The following PLD4 variants were observed in gnomAD, a reference collection of about 807,000 sequenced individuals.
PLD4 encodes 5'-3' exonuclease PLD4.
PLD4 carries 54 observed loss-of-function variants against 52.3 expected under a neutral mutation model. That is an observed-to-expected ratio of 1.03 (90% CI 0.83 to 1.30). PLD4 has a LOEUF of 1.30. Among genes scored for constraint, PLD4 ranks in the 50% most tolerant of loss-of-function variants. The pLI is 0.00. For missense variants in PLD4, 731 were observed against 671.1 expected, an observed-to-expected ratio of 1.09 and a Z score of -0.99; for synonymous variants, 264 against 286.5, an observed-to-expected ratio of 0.92 and a Z score of 0.79.
rs563935854 is a variant in PLD4 at position 104,928,906 on chromosome 14, G to C, written c.442G>C (p.Gly148Arg). The change falls in exon 4 of 11, where the codon GGG becomes CGG. Residue 148 changes from glycine (G) to arginine (R), a missense_variant. By Grantham distance (125) the Gly-to-Arg change is moderately radical. Transcript: ENST00000392593. ...YYWSLTGPDI[G>R]VNDSSSQLGE... The stretch of plus-strand genomic sequence containing the variant: ...CTGGTCCCTCACAGGGCCTGACATC[G>C]GGGTCAACGACTCGTCTTCCCAGCT... 3.1e-6 allele frequency: 5 copies of C among 1,605,370 alleles called. No individual in the cohort carries two copies. The highest frequency in any genetic ancestry group is 1.1e-5 in the South Asian group (1 of 90,864).
At chr14:104,931,604 C>T (rs543642351) in intron 7 of PLD4, 144 bp from the exon 8 acceptor site, 32 of 1,176,182 alleles carry the variant, frequency 2.7e-5, no homozygotes, top group African/African-American at 4.7e-5. Flanking sequence ...CCTGTTGAGC[C>T]GACCCCTTCT....
downstream of PLD4, chr14:104,933,376 TGGGGC>T (rs1010312270): frequency 2.0e-3 from 316 of 160,212 alleles, 2 homozygotes; most frequent in East Asian, 3.6e-4. Context: ...CGCGAGAACC[TGGGGC>T]GGGGCGGGGC....
intron 5 of PLD4, among the ~76,000 whole-genome samples, 194 bp downstream of exon 5, chr14:104,929,621 C>A (rs117592050): frequency 0.027 from 4,072 of 152,276 alleles, 59 homozygotes; most frequent in Middle Eastern, 0.082. Flanking sequence ...GCTGGTTCCA[C>A]GGATCCAAAA....
downstream of PLD4, chr14:104,933,245 T>A (rs1361932294): frequency 8.1e-6 from 3 of 368,506 alleles, no homozygotes; most frequent in Admixed American, 4.6e-5. Context: ...TCCCGGTGCC[T>A]CTGTGTGAGT....
intron 3 of PLD4, 68 bp downstream of exon 3, chr14:104,927,934 T>G (rs1897513814): frequency 1.4e-6 from 2 of 1,437,900 alleles, no homozygotes; most frequent in Middle Eastern, 2.1e-4. Flanking sequence ...GTTTCTGCCC[T>G]TGGATCTGCC....
rs753267679 is a variant in PLD4, at chr14:104,932,082, G to A, written c.1129G>A (p.Val377Ile). The change falls in exon 9 of 11, where the codon GTC becomes ATC. Residue 377 changes from valine (V) to isoleucine (I), a missense_variant. Physicochemically the swap from Val to Ile is conservative, Grantham distance 29 (BLOSUM62 3). Coordinates refer to ENST00000392593, the MANE Select transcript of PLD4 (RefSeq NM_138790.5). The surrounding 1 kb of genome is among the most constrained non-coding windows in gnomAD (Gnocchi z 6.5). ...FGKGVRVRLLVGCGLNTDPTM... is the reference protein window; with the variant it reads ...FGKGVRVRLLIGCGLNTDPTM... ...CAAGGGCGTGCGCGTGCGCCTGCTG[G>A]TCGGCTGCGGACTCAACACGGACCC... 1.7e-5 allele frequency: 28 copies of A among 1,609,844 alleles called. No homozygotes were observed. The highest frequency in any genetic ancestry group is 3.3e-5 in the Admixed American group (2 of 59,828).
chr14:104,927,306 G>T, intron 2 of PLD4, 76 bp downstream of exon 2: 1 of 1,285,702 alleles, frequency 7.8e-7, no homozygotes, highest in Non-Finnish European at 1.1e-6. Context: ...GAGTGGAGAG[G>T]TCACAAGCAG....
At chr14:104,927,937 G>C (rs1897513930) in intron 3 of PLD4, 71 bp downstream of exon 3, 7 of 1,430,770 alleles carry the variant, frequency 4.9e-6, no homozygotes, top group Non-Finnish European at 6.5e-6. Context: ...TCTGCCCTTG[G>C]ATCTGCCCGT....
rs1278053377 is a variant in PLD4 at position 104,932,964 on chromosome 14, A to AGG, written c.*5_*6dup. The AGG allele has an allele frequency of 1.3e-6, 2 of 1,577,418 alleles. No individual in the cohort carries two copies. The highest frequency in any genetic ancestry group is 2.7e-5 in the African/African-American group (2 of 74,108). ...GCCAGGACTGCGTTTGGCAGGGCTG[A>AGG]GGGGGGCCTCTTTTTCTCTCGGCGA... On this transcript the variant is annotated 3_prime_UTR_variant, in exon 11 of 11. Transcript: ENST00000392593. This position sits in a 1 kb window ranked among gnomAD's most constrained non-coding sequence, Gnocchi z 6.5.
In PLD4 at chr14:104,933,073, G is replaced by T. The variant is rs922284440; in HGVS notation, c.*109G>T. 6.9e-5 allele frequency: 87 copies of T among 1,268,592 alleles called. No homozygotes were observed. Among genetic ancestry groups the T allele is most frequent in the Non-Finnish European group, 8.6e-5 (83 of 964,798 alleles). 78.6% of individuals were successfully genotyped at this position (1,268,592 alleles called of 1,614,324 possible). ...CGCAAGCAGCCCGGGTCCGCACTGC[G>T]CCAGGAGCCGCCTGCGACCGCCCGG... On this transcript the variant is annotated 3_prime_UTR_variant, in exon 11 of 11. Coordinates refer to ENST00000392593, the MANE Select transcript of PLD4 (RefSeq NM_138790.5).
chr14:104,933,006 C>T lies in PLD4; in HGVS notation c.*42C>T. 1 of 1,509,548 alleles carries T rather than the reference C, an allele frequency of 6.6e-7. No homozygotes were observed. Among genetic ancestry groups the T allele is most frequent in the Non-Finnish European group, 8.9e-7 (1 of 1,129,716 alleles). 93.5% of individuals were successfully genotyped at this position (1,509,548 alleles called of 1,614,324 possible). Reference sequence around the variant, plus strand: ...TCTCGGCGACCCCGCCCCGCACGCGCCCTCCCCTCTGACCCCGGCCTGGGC... The same window carrying T: ...TCTCGGCGACCCCGCCCCGCACGCGTCCTCCCCTCTGACCCCGGCCTGGGC... On this transcript the variant is annotated 3_prime_UTR_variant, in exon 11 of 11. Coordinates refer to ENST00000392593, the MANE Select transcript of PLD4 (RefSeq NM_138790.5).
rs748764457 is a variant in PLD4 at position 104,927,248 on chromosome 14, CA to C, written c.90+19del. On this transcript the variant is annotated intron_variant, in intron 2 of 10. Transcript: ENST00000392593. ...CTGGCACGGTAGGACTGGGGGGCCCCAGGGGGGAGGTGGCTGGGATCAATGG... is the reference window on the plus strand; with the variant it reads ...CTGGCACGGTAGGACTGGGGGGCCCCGGGGGGAGGTGGCTGGGATCAATGG... 44 of 1,526,174 alleles carry C rather than the reference CA, an allele frequency of 2.9e-5. No homozygotes were observed. The highest frequency in any genetic ancestry group is 1.7e-5 in the Non-Finnish European group (19 of 1,134,524). 94.5% of individuals were successfully genotyped at this position (1,526,174 alleles called of 1,614,324 possible). A position where few individuals can be genotyped will look rare whatever the true frequency, so the allele number is the denominator to read the frequency against.
At chr14:104,931,034 C>T in intron 7 of PLD4, 92 bp downstream of exon 7, 3 of 1,418,754 alleles carry the variant, frequency 2.1e-6, no homozygotes, top group Non-Finnish European at 2.9e-6. Context: ...GCCCTGCAGA[C>T]ACCAGCAGCA....
At position 104,932,790 on chromosome 14, in the gene PLD4, C is replaced by T. The variant is rs954249420; in HGVS notation, c.1347C>T (p.Tyr449=). The T allele has an allele frequency of 1.3e-6, 2 of 1,594,846 alleles. No individual in the cohort carries two copies. Among genetic ancestry groups the T allele is most frequent in the African/African-American group, 2.7e-5 (2 of 74,516 alleles). Residue 449 remains tyrosine, a synonymous_variant, in exon 11 of 11, where the codon TAC becomes TAT. Transcript: ENST00000392593. This position sits in a 1 kb window ranked among gnomAD's most constrained non-coding sequence, Gnocchi z 6.5. The part of the protein sequence containing the change: ...YIGTSNWSED[Y]FSSTAGVGLV... ...GCACCTCCAACTGGTCGGAGGATTACTTCAGCAGCACGGCGGGGGTGGGCT... is the reference window on the plus strand; with the variant it reads ...GCACCTCCAACTGGTCGGAGGATTATTTCAGCAGCACGGCGGGGGTGGGCT...
downstream of PLD4, chr14:104,935,512 C>T (rs1897787248): frequency 6.6e-6 from 1 of 152,310 alleles, no homozygotes; most frequent in African/African-American, 2.4e-5. Context: ...TCTAGAATGG[C>T]TCCCTTGACC....
At position 104,932,332 on chromosome 14, in the gene PLD4, T is replaced by A; in HGVS notation, c.1298T>A (p.Val433Asp). 6.2e-7 allele frequency: 1 copy of A among 1,612,612 alleles called. No homozygotes were observed. Among genetic ancestry groups the A allele is most frequent in the South Asian group, 1.1e-5 (1 of 91,076 alleles). Residue 433 changes from valine to aspartate, a missense_variant, in exon 10 of 11, where the codon GTC (valine) becomes GAC (aspartate). Transcript: ENST00000392593. The surrounding 1 kb of genome is among the most constrained non-coding windows in gnomAD (Gnocchi z 6.5). ...FSRVNHSKFM[V>D]TEKAAYIGTS... ...AGGGTGAACCACAGCAAGTTCATGG[T>A]CACGGAGAAGGCAGCCTACATAGGT... is the stretch of plus-strand genomic sequence containing the variant.
intron 3 of PLD4, among the ~76,000 whole-genome samples, chr14:104,928,368 C>A (rs1477922064): frequency 2.6e-5 from 4 of 152,172 alleles, no homozygotes; most frequent in Admixed American, 6.5e-5. Context: ...CACGAGGCCA[C>A]CCCAGACCCC....
Position 104,933,169 on chromosome 14 carries a change from A to G in PLD4, c.*205A>G, listed in dbSNP as rs1897718080. 1.7e-6 allele frequency: 1 copy of G among 573,806 alleles called. No homozygotes were observed. Among genetic ancestry groups the G allele is most frequent in the Non-Finnish European group, 2.9e-6 (1 of 342,664 alleles). 35.5% of individuals were successfully genotyped at this position (573,806 alleles called of 1,614,324 possible). The stretch of plus-strand genomic sequence containing the variant: ...CCCCTGAGCCCCACCTCCTCCAGGG[A>G]GCCCTCCAGGAAGCCCCTTCCCTGA... On this transcript the variant is annotated 3_prime_UTR_variant, in exon 11 of 11. Coordinates refer to ENST00000392593, the MANE Select transcript of PLD4 (RefSeq NM_138790.5).
Position 104,931,636 on chromosome 14 carries a change from T to C in PLD4, c.919-112T>C, listed in dbSNP as rs1377018982. On this transcript the variant is annotated intron_variant, in intron 7 of 10. Coordinates refer to ENST00000392593, the MANE Select transcript of PLD4 (RefSeq NM_138790.5). ...TTCTTTCCTCATATTTCCAGGCACC[T>C]GGGCCCCCTCCCTCCACACCACATG... is the stretch of plus-strand genomic sequence containing the variant. The C allele has an allele frequency of 3.6e-6, 5 of 1,389,732 alleles. No individual in the cohort carries two copies. The East Asian group carries it at 1.0e-4, about 28-fold the overall frequency. 86.1% of individuals were successfully genotyped at this position (1,389,732 alleles called of 1,614,324 possible). A position where few individuals can be genotyped will look rare whatever the true frequency, so the allele number is the denominator to read the frequency against.
Sources: gnomAD v4.1 joint callset for allele counts (sites outside exome capture counted in the v4.1 genomes callset) on GRCh38, gnomAD v4.1.1 for gene constraint, Gnocchi (gnomAD v3.1) non-coding constraint, MANE v1.5 for transcripts, NCBI Gene and HGNC (gene_info 2026-07-23, HGNC 2026-07-21) for gene names.